The following ABCA1 variants were observed in gnomAD, a reference collection of about 807,000 sequenced individuals.
The protein encoded by ABCA1 is phospholipid-transporting ATPase ABCA1.
In ABCA1, 133 loss-of-function variants were observed where a neutral mutation model predicts 262.5. That is an observed-to-expected ratio of 0.51 (90% CI 0.44 to 0.59). The LOEUF is 0.59. ABCA1 is among the 20% of genes least tolerant of loss of function. The probability of loss-of-function intolerance (pLI) is 0.00; values close to 1 mark genes in which losing one functional copy is unlikely to be tolerated. For missense variants in ABCA1, 2,452 were observed against 2,777.5 expected, an observed-to-expected ratio of 0.88 and a Z score of 2.63; for synonymous variants, 1,022 against 1,043.5, an observed-to-expected ratio of 0.98 and a Z score of 0.40.
At chr9:104,926,678 G>T (rs554884930) in intron 1 of ABCA1, among the ~76,000 whole-genome samples, 1 of 152,154 alleles carries the variant, frequency 6.6e-6, no homozygotes, top group East Asian at 1.9e-4. Flanking sequence ...CCACCCTCAC[G>T]GCAGAGCCCA....
At position 104,796,188 on chromosome 9, in the gene ABCA1, G is replaced by A. The variant is rs1242248448; in HGVS notation, c.5247C>T (p.Ile1749=). The A allele has an allele frequency of 6.2e-7, 1 of 1,614,170 alleles. No individual in the cohort carries two copies. The highest frequency in any genetic ancestry group is 1.1e-5 in the South Asian group (1 of 91,084). The part of the protein sequence containing the change: ...ALLLLLYGWS[I]TPLMYPASFV... Reference sequence around the variant, plus strand: ...AGGAGGCTGGGTACATGAGAGGTGTGATTGACCACCTGTTGAGACACAAAA... The same window carrying A: ...AGGAGGCTGGGTACATGAGAGGTGTAATTGACCACCTGTTGAGACACAAAA... Residue 1749 remains isoleucine (I), a synonymous_variant, in exon 39 of 50, where the codon ATC becomes ATT. Transcript: ENST00000374736.
At chr9:104,917,550 T>C (rs1841918092) in intron 1 of ABCA1, among the ~76,000 whole-genome samples, 1 of 147,700 alleles carries the variant, frequency 6.8e-6, no homozygotes, top group Non-Finnish European at 1.5e-5. Context: ...AGGTCAGGAG[T>C]TGGAGACCAG....
Position 104,828,902 on chromosome 9 carries a change from T to G in ABCA1, c.2115+14A>C. The G allele has an allele frequency of 1.9e-6, 3 of 1,613,052 alleles. No homozygotes were observed. The South Asian group carries it at 3.3e-5, about 18-fold the overall frequency. On this transcript the variant is annotated intron_variant, in intron 15 of 49. Coordinates refer to ENST00000374736, the MANE Select transcript of ABCA1 (RefSeq NM_005502.4). ...GAGTTTCCTGGCAGGGAAGAGCGAG[T>G]GAGGCTGCCTTACCTTCAGGATGAC... is the stretch of plus-strand genomic sequence containing the variant.
At position 104,802,047 on chromosome 9, in the gene ABCA1, A is replaced by G. The variant is rs41415046; in HGVS notation, c.4698+7T>C. 743 of 1,613,734 alleles carry G rather than the reference A, an allele frequency of 4.6e-4. 3 individuals carry two copies. In the East Asian group the frequency reaches 0.015, roughly 32 times the overall value. On this transcript the variant is annotated splice_region_variant and intron_variant, in intron 34 of 49. Coordinates refer to ENST00000374736, the MANE Select transcript of ABCA1 (RefSeq NM_005502.4). ...TTTTCTGATACATCTTACGATAGATATTTTACCTTGGCCAGCTTTAGGTGT... is the reference window on the plus strand; with the variant it reads ...TTTTCTGATACATCTTACGATAGATGTTTTACCTTGGCCAGCTTTAGGTGT...
chr9:104,816,670 GA>G (rs1831805028), intron 24 of ABCA1, among the ~76,000 whole-genome samples: 1 of 151,800 alleles, frequency 6.6e-6, no homozygotes, highest in African/African-American at 2.4e-5. Context: ...TGGGTGAATG[GA>G]TAACTGAGGC....
Position 104,800,595 on chromosome 9 carries a change from C to T in ABCA1, c.4699-11G>A, listed in dbSNP as rs1216233140. 2.4e-5 allele frequency: 38 copies of T among 1,613,986 alleles called. No individual in the cohort carries two copies. The highest frequency in any genetic ancestry group is 3.2e-5 in the Non-Finnish European group (38 of 1,179,824). On this transcript the variant is annotated splice_polypyrimidine_tract_variant and intron_variant, in intron 34 of 49. Coordinates refer to ENST00000374736, the MANE Select transcript of ABCA1 (RefSeq NM_005502.4). ...ATCTGCAGAACTGTCCTGTAAACAA[C>T]AGAAACCTGCCTCAGTTGTGACTGT...
chr9:104,925,375 C>CAAAAAAAAAAAAAA (rs576630245), intron 1 of ABCA1, among the ~76,000 whole-genome samples: 1 of 123,242 alleles, frequency 8.1e-6, no homozygotes. Context: ...GACTGCATCT[C>CAAAAAAAAAAAAAA]AAAAAAAAAA....
In ABCA1 at chr9:104,840,455, C is replaced by T. The variant is rs1834265557; in HGVS notation, c.878G>A (p.Ser293Asn). Reference protein sequence around the residue: ...QEVMFLTNVNSSSSSTQIYQA... With the variant: ...QEVMFLTNVNNSSSSTQIYQA... ...GTAGATTTGGGTGGAGGAGCTGGAG[C>T]TGTTCACATTGGTCAGAAACATCAC... Residue 293 changes from serine to asparagine, a missense_variant, in exon 9 of 50, where the codon AGC (serine) becomes AAC (asparagine). Physicochemically the swap from Ser to Asn is conservative, Grantham distance 46. Transcript: ENST00000374736. 1 of 1,614,176 alleles carries T rather than the reference C, an allele frequency of 6.2e-7. No individual in the cohort carries two copies. Among genetic ancestry groups the T allele is most frequent in the African/African-American group, 1.3e-5 (1 of 75,046 alleles).
At chr9:104,797,094 C>G (rs942713230) in intron 37 of ABCA1, among the ~76,000 whole-genome samples, 1 of 152,188 alleles carries the variant, frequency 6.6e-6, no homozygotes, top group Non-Finnish European at 1.5e-5. Context: ...TTATCAACAA[C>G]TTAGATGAAG....
intron 8 of ABCA1, among the ~76,000 whole-genome samples, chr9:104,843,263 C>A (rs1363819890): frequency 6.6e-6 from 1 of 152,226 alleles, no homozygotes; most frequent in Non-Finnish European, 1.5e-5. Flanking sequence ...GAGTCCTCAA[C>A]ACCTAGCAAT....
chr9:104,804,823 A>G (rs1367878836), intron 31 of ABCA1, 103 bp from the exon 32 acceptor site: 2 of 995,786 alleles, frequency 2.0e-6, no homozygotes, highest in African/African-American at 1.6e-5. Flanking sequence ...GTGACCGGAA[A>G]CCTGACTACA....
chr9:104,788,175 A>G lies in ABCA1; in HGVS notation c.6070-121T>C, dbSNP rs541008064. ...GACTAGATTCTATAATCATAACCTGACAACTGGTGAGGAGCCAAAGCAGGG... is the reference window on the plus strand; with the variant it reads ...GACTAGATTCTATAATCATAACCTGGCAACTGGTGAGGAGCCAAAGCAGGG... On this transcript the variant is annotated intron_variant, in intron 45 of 49. Coordinates refer to ENST00000374736, the MANE Select transcript of ABCA1 (RefSeq NM_005502.4). 50 of 1,266,184 alleles carry G rather than the reference A, an allele frequency of 3.9e-5. 1 individual carries two copies. The African/African-American group carries it at 6.2e-4, about 16-fold the overall frequency. The allele number at this position is 1,266,184 out of a possible 1,614,324, so 78.4% of individuals were successfully genotyped here. A position where few individuals can be genotyped will look rare whatever the true frequency, so the allele number is the denominator to read the frequency against.
intron 8 of ABCA1, among the ~76,000 whole-genome samples, chr9:104,843,627 C>T (rs1210780033): frequency 6.6e-6 from 1 of 152,180 alleles, no homozygotes; most frequent in South Asian, 2.1e-4. Flanking sequence ...ATGAGACCCA[C>T]TCAGGTTTGT....
Position 104,846,081 on chromosome 9 carries a change from C to T in ABCA1, c.721-512G>A, listed in dbSNP as rs528398570. Among the ~76,000 whole-genome samples the T allele has an allele frequency of 7.2e-5, 11 of 152,270 alleles. No individual in the cohort carries two copies. In the East Asian group the frequency reaches 2.1e-3, roughly 29 times the overall value. On this transcript the variant is annotated intron_variant, in intron 7 of 49. Coordinates refer to ENST00000374736, the MANE Select transcript of ABCA1 (RefSeq NM_005502.4). ...GAATGTAGAACACTTATTTTTACAT[C>T]GAGTTTTAGTCAAATCTTTATATGT... is the stretch of plus-strand genomic sequence containing the variant.
Position 104,925,375 on chromosome 9 carries a change from C to CAAAAAAAA in ABCA1, c.-93+2552_-93+2559dup, listed in dbSNP as rs576630245. ...TGGGAAACAGAGCGAGACTGCATCT[C>CAAAAAAAA]AAAAAAAAAAAAAATGTGCCCAGGG... On this transcript the variant is annotated intron_variant, in intron 1 of 49. Coordinates refer to ENST00000374736, the MANE Select transcript of ABCA1 (RefSeq NM_005502.4). Among the ~76,000 whole-genome samples the CAAAAAAAA allele has an allele frequency of 1.0e-3, 127 of 123,230 alleles. 2 individuals are homozygous for CAAAAAAAA. The highest frequency in any genetic ancestry group is 3.5e-3 in the African/African-American group (115 of 33,180). 80.8% of individuals were successfully genotyped at this position (123,230 alleles called of 152,430 possible).
intron 17 of ABCA1, 69 bp from the exon 18 acceptor site, chr9:104,824,647 G>A: frequency 1.3e-6 from 2 of 1,554,722 alleles, no homozygotes; most frequent in South Asian, 2.3e-5. Context: ...TCCCAGCCAG[G>A]TCCATTTCCT....
chr9:104,891,966 TAAAAAAAAAAAAAA>T (rs570923490), intron 2 of ABCA1, among the ~76,000 whole-genome samples: 29 of 59,230 alleles, frequency 4.9e-4, no homozygotes, highest in South Asian at 2.9e-3. Flanking sequence ...CTCTGTCTCT[TAAAAAAAAAAAAAA>T]AAAAAAAAAA....
At chr9:104,875,884 T>C (rs879801006) in intron 5 of ABCA1, among the ~76,000 whole-genome samples, 2 of 152,166 alleles carry the variant, frequency 1.3e-5, no homozygotes, top group African/African-American at 2.4e-5. Context: ...TTGTCAGCCC[T>C]AGGAACAGCG....
At chr9:104,873,258 T>C (rs543980634) in intron 5 of ABCA1, among the ~76,000 whole-genome samples, 1 of 152,346 alleles carries the variant, frequency 6.6e-6, no homozygotes, top group Non-Finnish European at 1.5e-5. Context: ...TCACCAGATC[T>C]CCCAACAAGA....
Sources: allele counts gnomAD v4.1 joint callset (sites outside exome capture counted in the v4.1 genomes callset), GRCh38; gene constraint gnomAD v4.1.1; transcripts MANE v1.5; gene names NCBI Gene and HGNC (gene_info 2026-07-23, HGNC 2026-07-21).